INPP4B: variants seen among roughly 807,000 people sequenced by gnomAD.
INPP4B encodes the protein inositol polyphosphate 4-phosphatase type II.
Under a neutral mutation model 122.5 loss-of-function variants are expected in INPP4B, and 55 were observed. The observed-to-expected ratio is 0.45, with a 90% CI of 0.36 to 0.56. The LOEUF (loss-of-function observed/expected upper bound fraction) is 0.56. Among genes scored for constraint, INPP4B ranks in the 20% least tolerant of loss-of-function variants. INPP4B has a pLI of 0.00. For synonymous variants in INPP4B, 403 were observed against 388.7 expected (o/e 1.04, Z -0.43); for missense variants, 1,000 against 1,097.7 (o/e 0.91, Z 1.26).
chr4:142,620,171 G>C (rs192650918), intron 2 of INPP4B, among the ~76,000 whole-genome samples: 1 of 151,730 alleles, frequency 6.6e-6, no homozygotes, highest in South Asian at 2.1e-4. Context: ...CTAAAGAAAC[G>C]TAAGTAGCTC....
chr4:142,341,357 T>C (rs1190137492), intron 7 of INPP4B, among the ~76,000 whole-genome samples: 2 of 152,200 alleles, frequency 1.3e-5, no homozygotes, highest in Admixed American at 6.5e-5. Flanking sequence ...TAGCAACGTA[T>C]GCACAGACAT....
intron 25 of INPP4B, among the ~76,000 whole-genome samples, chr4:142,052,581 G>C (rs1755254797): frequency 6.6e-6 from 1 of 151,950 alleles, no homozygotes; most frequent in African/African-American, 2.4e-5. Flanking sequence ...AGTCATTTTA[G>C]AGCTTTTTAA....
intron 9 of INPP4B, among the ~76,000 whole-genome samples, chr4:142,303,877 C>T (rs918923386): frequency 2.6e-5 from 4 of 152,108 alleles, no homozygotes; most frequent in Non-Finnish European, 5.9e-5. Flanking sequence ...ATACCCTAAA[C>T]TTGACCCTTC....
At chr4:142,377,539 T>G (rs1792406160) in intron 7 of INPP4B, among the ~76,000 whole-genome samples, 1 of 151,980 alleles carries the variant, frequency 6.6e-6, no homozygotes, top group Non-Finnish European at 1.5e-5. Context: ...GAAGAGGGGT[T>G]TTTCTCTCCT....
chr4:142,338,891 C>T (rs187588931), intron 7 of INPP4B, among the ~76,000 whole-genome samples: 24 of 152,242 alleles, frequency 1.6e-4, no homozygotes, highest in African/African-American at 5.8e-4. Flanking sequence ...CAACAGGCTT[C>T]CTTGTCCTCT....
chr4:142,679,262 T>C (rs1226778779), intron 2 of INPP4B, among the ~76,000 whole-genome samples: 1 of 151,900 alleles, frequency 6.6e-6, no homozygotes, highest in African/African-American at 2.4e-5. Flanking sequence ...GGAAAACATC[T>C]ATCTAGACCT....
intron 1 of INPP4B, among the ~76,000 whole-genome samples, chr4:142,845,199 C>A (rs1784034377): frequency 6.6e-6 from 1 of 152,130 alleles, no homozygotes; most frequent in African/African-American, 2.4e-5. Flanking sequence ...ACCCTCTTGT[C>A]CCCAAAGAGA....
chr4:142,529,773 G>A (rs1468448037), intron 2 of INPP4B, among the ~76,000 whole-genome samples: 1 of 151,948 alleles, frequency 6.6e-6, no homozygotes, highest in East Asian at 1.9e-4. Flanking sequence ...TTAGCAGCTT[G>A]AGCAGATAGA....
intron 23 of INPP4B, among the ~76,000 whole-genome samples, chr4:142,099,731 C>A (rs972127550): frequency 6.6e-6 from 1 of 152,110 alleles, no homozygotes; most frequent in Non-Finnish European, 1.5e-5. Flanking sequence ...TCACATTGAA[C>A]AGAATCATCA....
chr4:142,539,963 A>G (rs1282584806), intron 2 of INPP4B, among the ~76,000 whole-genome samples: 1 of 152,076 alleles, frequency 6.6e-6, no homozygotes, highest in Non-Finnish European at 1.5e-5. Flanking sequence ...TAGTTACTGG[A>G]AACACATATC....
At chr4:142,041,887 G>T (rs1345839038) in intron 25 of INPP4B, among the ~76,000 whole-genome samples, 1 of 152,162 alleles carries the variant, frequency 6.6e-6, no homozygotes, top group Non-Finnish European at 1.5e-5. Flanking sequence ...TAACAGACAT[G>T]TTAGGTAACA....
chr4:142,306,229 G>GTTTTTTTTT (rs5862582), intron 8 of INPP4B, among the ~76,000 whole-genome samples: 2 of 135,904 alleles, frequency 1.5e-5, no homozygotes, highest in Non-Finnish European at 3.2e-5. Flanking sequence ...ACTCCAAATT[G>GTTTTTTTTT]TTTTTTTTTT....
chr4:142,444,519 G>A (rs577018889), intron 3 of INPP4B, among the ~76,000 whole-genome samples: 41 of 152,196 alleles, frequency 2.7e-4, no homozygotes, highest in African/African-American at 7.9e-4. Flanking sequence ...AGATGCTGGA[G>A]AGGATGAAGA....
intron 17 of INPP4B, among the ~76,000 whole-genome samples, chr4:142,157,972 G>A (rs1818097143): frequency 6.6e-6 from 1 of 151,900 alleles, no homozygotes; most frequent in South Asian, 2.1e-4. Flanking sequence ...AGTCTCAGGA[G>A]AAGTGCCTGC....
chr4:142,302,163 A>G (rs939557869), intron 9 of INPP4B, among the ~76,000 whole-genome samples: 1 of 152,046 alleles, frequency 6.6e-6, no homozygotes, highest in Non-Finnish European at 1.5e-5. Flanking sequence ...TCAGCCTTCA[A>G]TCCCCCCTTA....
intron 2 of INPP4B, among the ~76,000 whole-genome samples, chr4:142,527,437 C>T (rs1560760006): frequency 6.6e-6 from 1 of 151,928 alleles, no homozygotes; most frequent in Non-Finnish European, 1.5e-5. Context: ...GCATTAGCAG[C>T]AAGTAACAGT....
At chr4:142,065,907 C>T (rs1311159040) in intron 25 of INPP4B, among the ~76,000 whole-genome samples, 1 of 152,158 alleles carries the variant, frequency 6.6e-6, no homozygotes, top group Non-Finnish European at 1.5e-5. Context: ...CTTCCATGCA[C>T]TCCCTGGGTG....
intron 23 of INPP4B, among the ~76,000 whole-genome samples, chr4:142,107,352 T>A (rs1787689899): frequency 6.6e-6 from 1 of 152,208 alleles, no homozygotes; most frequent in Admixed American, 6.5e-5. Flanking sequence ...AGTTTTTGGT[T>A]AAAATATTAT....
At chr4:142,759,789 C>T (rs1771030096) in intron 1 of INPP4B, among the ~76,000 whole-genome samples, 1 of 130,294 alleles carries the variant, frequency 7.7e-6, no homozygotes, top group African/African-American at 3.0e-5. Flanking sequence ...TGCCTCTCAA[C>T]CAGAACTTAC....
Sources: allele counts gnomAD v4.1 joint callset (sites outside exome capture counted in the v4.1 genomes callset), GRCh38; gene constraint gnomAD v4.1.1; transcripts MANE v1.5; gene names NCBI Gene and HGNC (gene_info 2026-07-23, HGNC 2026-07-21).